MTMR3: variants seen among roughly 807,000 people sequenced by gnomAD.
MTMR3 encodes myotubularin related protein 3.
A neutral mutation model predicts 132.4 loss-of-function variants in MTMR3; 32 were observed. The ratio of observed to expected loss-of-function variants is 0.24; its 90% CI spans 0.18 to 0.32. MTMR3 has a LOEUF of 0.32. MTMR3 is among the 10% of genes least tolerant of loss of function. The probability of loss-of-function intolerance (pLI) is 1.00; values close to 1 mark genes in which losing one functional copy is unlikely to be tolerated. For synonymous variants in MTMR3, 556 were observed against 550.3 expected (o/e 1.01, Z -0.14); for missense variants, 1,216 against 1,489.6 (o/e 0.82, Z 3.02).
intron 1 of MTMR3, among the ~76,000 whole-genome samples, chr22:29,923,581 T>C (rs2065461499): frequency 6.6e-6 from 1 of 152,146 alleles, no homozygotes; most frequent in Non-Finnish European, 1.5e-5. Context: ...TTCAAGTCTT[T>C]ATTAGTTTTC....
At chr22:30,005,452 TGAA>T (rs1032459378) in intron 9 of MTMR3, 1 of 152,206 alleles carries the variant, frequency 6.6e-6, no homozygotes, top group Non-Finnish European at 1.5e-5. Context: ...TGGGAAGCAT[TGAA>T]GAAGAGGAGG....
intron 1 of MTMR3, among the ~76,000 whole-genome samples, chr22:29,907,196 C>T (rs367569190): frequency 8.0e-4 from 122 of 151,976 alleles, no homozygotes; most frequent in African/African-American, 2.7e-3. Flanking sequence ...GTCAGGAGAT[C>T]GAGACCATCC....
At chr22:29,928,344 GTATTTT>G (rs2065568024) in intron 1 of MTMR3, among the ~76,000 whole-genome samples, 2 of 151,724 alleles carry the variant, frequency 1.3e-5, no homozygotes, top group Non-Finnish European at 2.9e-5. Flanking sequence ...GATAATGTTT[GTATTTT>G]TAGTAGAGAC....
intron 1 of MTMR3, among the ~76,000 whole-genome samples, chr22:29,895,003 T>C (rs545139519): frequency 5.3e-5 from 8 of 151,884 alleles, no homozygotes; most frequent in Non-Finnish European, 1.2e-4. Flanking sequence ...AGGTCAGGAG[T>C]TTGAGACCAG....
rs1174789396 is a variant in MTMR3, at chr22:29,898,735, C to T, written c.-138+15376C>T. On this transcript the variant is annotated intron_variant, in intron 1 of 19. Coordinates refer to ENST00000401950, the MANE Select transcript of MTMR3 (RefSeq NM_021090.4). ...GTAGTTTTGAACCTTCACGCCTTCC[C>T]ATCCTCTCCTCTCTGTTAGTTCCCT... is the stretch of plus-strand genomic sequence containing the variant. 2.0e-5 allele frequency among the ~76,000 whole-genome samples: 3 copies of T among 152,044 alleles called. 1 individual carries two copies. The highest frequency in any genetic ancestry group is 4.4e-5 in the Non-Finnish European group (3 of 67,972).
chr22:29,940,509 A>T (rs1247090651), intron 1 of MTMR3, among the ~76,000 whole-genome samples: 1 of 150,220 alleles, frequency 6.7e-6, no homozygotes, highest in East Asian at 1.9e-4. Context: ...CTTCACACGG[A>T]TGCGTGTGAC....
chr22:30,017,755 C>T, intron 15 of MTMR3, 172 bp from the exon 16 acceptor site: 3 of 683,566 alleles, frequency 4.4e-6, no homozygotes, highest in Non-Finnish European at 7.3e-6. Context: ...AATGTCTAGT[C>T]CTGTATTGGT....
chr22:29,929,791 C>T (rs36588), intron 1 of MTMR3, among the ~76,000 whole-genome samples: 11,840 of 152,172 alleles, frequency 0.078, 538 homozygotes, highest in African/African-American at 0.092. Flanking sequence ...GAATTACAGG[C>T]GTGAGCCACC....
chr22:29,940,402 A>G lies in MTMR3; in HGVS notation c.-137-16634A>G, dbSNP rs887653303. On this transcript the variant is annotated intron_variant, in intron 1 of 19. Transcript: ENST00000401950. Reference sequence around the variant, plus strand: ...ACCTGTAAGAACTAATGATAATCCTACCACCCTTTGCTGAATCTTTTCTTG... The same window carrying G: ...ACCTGTAAGAACTAATGATAATCCTGCCACCCTTTGCTGAATCTTTTCTTG... Among the ~76,000 whole-genome samples, 3 of 150,742 alleles carry G rather than the reference A, an allele frequency of 2.0e-5. 1 individual carries two copies. Among genetic ancestry groups the G allele is most frequent in the African/African-American group, 5.0e-5 (2 of 40,126 alleles).
At chr22:30,007,798 A>T in intron 10 of MTMR3, 103 bp from the exon 11 acceptor site, 1 of 1,394,464 alleles carries the variant, frequency 7.2e-7, no homozygotes, top group Non-Finnish European at 9.7e-7. Context: ...ATTTCATTTT[A>T]TTGAGCCTTT....
intron 19 of MTMR3, 24 bp from the exon 20 acceptor site, chr22:30,025,606 T>C (rs1407414919): frequency 1.9e-6 from 3 of 1,613,488 alleles, no homozygotes; most frequent in Non-Finnish European, 2.5e-6. Context: ...AAACTAACAT[T>C]GTTCTGTTTC....
In MTMR3 at chr22:29,911,136, A is replaced by G. The variant is rs7292072; in HGVS notation, c.-138+27777A>G. Among the ~76,000 whole-genome samples the G allele has an allele frequency of 4.5e-3, 682 of 152,288 alleles. 6 individuals are homozygous for G. Among genetic ancestry groups the G allele is most frequent in the African/African-American group, 0.015 (643 of 41,556 alleles). ...GAAACCAGAATGAGGCCAAACAAGT[A>G]AAGAGGAGCATGAGATAGAGATGGA... On this transcript the variant is annotated intron_variant, in intron 1 of 19. Coordinates refer to ENST00000401950, the MANE Select transcript of MTMR3 (RefSeq NM_021090.4).
At chr22:29,959,378 T>C (rs1478762960) in intron 2 of MTMR3, among the ~76,000 whole-genome samples, 1 of 152,132 alleles carries the variant, frequency 6.6e-6, no homozygotes, top group Non-Finnish European at 1.5e-5. Context: ...CTTTTTATTT[T>C]ATTTACGTAT....
At position 29,998,748 on chromosome 22, in the gene MTMR3, C is replaced by A; in HGVS notation, c.461-13C>A. On this transcript the variant is annotated splice_polypyrimidine_tract_variant and intron_variant, in intron 7 of 19. Coordinates refer to ENST00000401950, the MANE Select transcript of MTMR3 (RefSeq NM_021090.4). ...TCATTTCTTCCTTTCTGCTGTTTAT[C>A]TTTGGCCTCTAGGGGAGCATGTAAC... The A allele has an allele frequency of 6.3e-6, 10 of 1,599,536 alleles. No homozygotes were observed. The highest frequency in any genetic ancestry group is 7.7e-6 in the Non-Finnish European group (9 of 1,172,732).
intron 1 of MTMR3, among the ~76,000 whole-genome samples, chr22:29,948,918 A>C (rs2066002180): frequency 6.6e-6 from 1 of 151,670 alleles, no homozygotes; most frequent in Admixed American, 6.6e-5. Flanking sequence ...CAATGAGACC[A>C]CATCTCTACA....
chr22:30,023,741 TTCTTG>T (rs1427599107), intron 19 of MTMR3: 29 of 499,102 alleles, frequency 5.8e-5, no homozygotes, highest in Non-Finnish European at 9.7e-5. Context: ...GAAGTAGTGC[TTCTTG>T]TCTTCTGGTC....
At chr22:30,014,224 A>G (rs1414928021) in intron 14 of MTMR3, 7 of 152,166 alleles carry the variant, frequency 4.6e-5, no homozygotes, top group African/African-American at 9.7e-5. Flanking sequence ...ACCCACTTCA[A>G]TCAGGCATTC....
At position 30,006,563 on chromosome 22, in the gene MTMR3, T is replaced by C. The variant is rs1000552189; in HGVS notation, c.672-551T>C. On this transcript the variant is annotated intron_variant, in intron 9 of 19. Transcript: ENST00000401950. ...GAGTACACATTAATTCTTTTTTGTT[T>C]TTTGGAAATGGGGTCTTGCTCTGTC... The C allele has an allele frequency of 2.6e-5, 4 of 154,146 alleles. No individual in the cohort carries two copies. The East Asian group carries it at 7.7e-4, about 30-fold the overall frequency. 9.5% of individuals were successfully genotyped at this position (154,146 alleles called of 1,614,324 possible).
chr22:29,967,958 G>T (rs1005152274), intron 2 of MTMR3, among the ~76,000 whole-genome samples: 2 of 149,168 alleles, frequency 1.3e-5, no homozygotes, highest in African/African-American at 5.0e-5. Context: ...TTTTTTGTTT[G>T]TTTATCCATT....
Sources: allele counts gnomAD v4.1 joint callset (sites outside exome capture counted in the v4.1 genomes callset), GRCh38; gene constraint gnomAD v4.1.1; transcripts MANE v1.5; gene names NCBI Gene and HGNC (gene_info 2026-07-23, HGNC 2026-07-21).